Variants in DAB1 observed in about 807,000 individuals in gnomAD.
DAB1 encodes DAB adaptor protein 1, also known as disabled homolog 1.
A neutral mutation model predicts 64.6 loss-of-function variants in DAB1; 15 were observed. The ratio of observed to expected loss-of-function variants is 0.23; its 90% CI spans 0.16 to 0.36. The LOEUF is 0.36. Among genes scored for constraint, DAB1 ranks in the 10% least tolerant of loss-of-function variants. DAB1 has a pLI of 1.00. For missense variants in DAB1, 596 were observed against 706.7 expected (o/e 0.84, Z 1.78); for synonymous variants, 235 against 251.9 (o/e 0.93, Z 0.64).
chr1:57,978,586 G>A (rs1187985), intron 5 of DAB1, among the ~76,000 whole-genome samples: 145,007 of 152,288 alleles, frequency 0.95, 69,471 homozygotes, highest in East Asian at 1. Context: ...TAAACTAAAC[G>A]GCTTCTGCAA....
At chr1:57,562,179 C>G (rs1474558639) in intron 7 of DAB1, among the ~76,000 whole-genome samples, 2 of 152,176 alleles carry the variant, frequency 1.3e-5, no homozygotes, top group African/African-American at 4.8e-5. Flanking sequence ...TTGAGACCAG[C>G]CTGGCCAACA....
intron 4 of DAB1, among the ~76,000 whole-genome samples, chr1:57,124,605 A>T (rs1241524373): frequency 2.0e-5 from 3 of 152,206 alleles, no homozygotes; most frequent in African/African-American, 7.2e-5. Context: ...TGGCATTTTT[A>T]ATTTAAATAT....
chr1:57,115,718 G>A (rs974225421), intron 4 of DAB1, among the ~76,000 whole-genome samples: 1 of 152,180 alleles, frequency 6.6e-6, no homozygotes, highest in African/African-American at 2.4e-5. Context: ...CAGGAAGAAG[G>A]CAACATGAGC....
intron 5 of DAB1, among the ~76,000 whole-genome samples, chr1:57,902,156 CA>C (rs60082541): frequency 0.015 from 1,682 of 114,422 alleles, 26 homozygotes; most frequent in African/African-American, 0.054. Flanking sequence ...GATCTTGTCT[CA>C]AAAAAAAAAA....
intron 4 of DAB1, among the ~76,000 whole-genome samples, chr1:57,134,665 T>G (rs1178826255): frequency 6.6e-6 from 1 of 152,052 alleles, no homozygotes; most frequent in Non-Finnish European, 1.5e-5. Flanking sequence ...CCCCTGAACC[T>G]AAGTTTAAAA....
At chr1:57,773,024 A>G (rs1053292977) in intron 6 of DAB1, among the ~76,000 whole-genome samples, 11 of 152,054 alleles carry the variant, frequency 7.2e-5, no homozygotes, top group African/African-American at 2.7e-4. Context: ...TAAACCCAGG[A>G]ATACCAAGAA....
chr1:58,391,298 A>T (rs533907130), intron 3 of DAB1, among the ~76,000 whole-genome samples: 1 of 152,198 alleles, frequency 6.6e-6, no homozygotes, highest in South Asian at 2.1e-4. Flanking sequence ...CAATAGCCAG[A>T]TTGTGTCGCT....
intron 5 of DAB1, among the ~76,000 whole-genome samples, chr1:58,150,060 T>C (rs1324539858): frequency 2.0e-5 from 3 of 152,172 alleles, no homozygotes; most frequent in Non-Finnish European, 2.9e-5. Context: ...GTACCAAGTG[T>C]TTTAAATGTA....
intron 3 of DAB1, among the ~76,000 whole-genome samples, chr1:58,395,738 T>C (rs993647005): frequency 1.3e-5 from 2 of 152,184 alleles, no homozygotes; most frequent in African/African-American, 2.4e-5. Flanking sequence ...GTCTGTTCAT[T>C]TGACAAACAC....
intron 7 of DAB1, among the ~76,000 whole-genome samples, chr1:57,530,120 G>A (rs1288572483): frequency 2.0e-5 from 3 of 152,102 alleles, no homozygotes; most frequent in Non-Finnish European, 4.4e-5. Context: ...ATAATAGGAG[G>A]ACACGTGCAA....
At chr1:57,822,390 C>CA (rs1652161158), downstream of DAB1, among the ~76,000 whole-genome samples, 1 of 151,992 alleles carries the variant, frequency 6.6e-6, no homozygotes, top group African/African-American at 2.4e-5. Flanking sequence ...TTGCCATGGC[C>CA]ACACTGGTTA....
At chr1:58,314,792 A>G (rs1662515312) in intron 4 of DAB1, among the ~76,000 whole-genome samples, 1 of 152,174 alleles carries the variant, frequency 6.6e-6, no homozygotes, top group South Asian at 2.1e-4. Flanking sequence ...ATTTTCTCCA[A>G]TGTTTAAGAG....
At chr1:57,427,925 T>C (rs1182711450), upstream of DAB1, among the ~76,000 whole-genome samples, 1 of 152,180 alleles carries the variant, frequency 6.6e-6, no homozygotes, top group Non-Finnish European at 1.5e-5. Context: ...CTCAGCACTT[T>C]GGGAGGCCGG....
At chr1:58,455,442 A>T (rs1366398617) in intron 3 of DAB1, among the ~76,000 whole-genome samples, 3 of 152,230 alleles carry the variant, frequency 2.0e-5, no homozygotes, top group Non-Finnish European at 2.9e-5. Context: ...GATGGTCCTC[A>T]GCAGAGACAT....
At chr1:57,290,834 A>G (rs17455616) in intron 2 of DAB1, 130 bp downstream of exon 2, 4 of 575,724 alleles carry the variant, frequency 6.9e-6, no homozygotes. Flanking sequence ...TTATTAACAC[A>G]AAACACACAA....
chr1:57,492,785 G>A (rs973617544), intron 7 of DAB1, among the ~76,000 whole-genome samples: 1 of 152,120 alleles, frequency 6.6e-6, no homozygotes, highest in Non-Finnish European at 1.5e-5. Flanking sequence ...AGTCACAAAT[G>A]ACTTTTTGCA....
intron 1 of DAB1, among the ~76,000 whole-genome samples, chr1:57,310,740 T>C (rs1341896477): frequency 1.3e-5 from 2 of 152,220 alleles, no homozygotes; most frequent in Non-Finnish European, 2.9e-5. Flanking sequence ...AATGCTACTG[T>C]CATTTCTCTG....
At chr1:57,777,767 T>C (rs1649881884) in intron 6 of DAB1, among the ~76,000 whole-genome samples, 1 of 152,100 alleles carries the variant, frequency 6.6e-6, no homozygotes, top group Non-Finnish European at 1.5e-5. Context: ...AACTATTTAC[T>C]GACTTAATTT....
intron 5 of DAB1, among the ~76,000 whole-genome samples, chr1:57,956,484 CA>C (rs1174356874): frequency 6.6e-6 from 1 of 152,160 alleles, no homozygotes; most frequent in Non-Finnish European, 1.5e-5. Flanking sequence ...TTACTTTATC[CA>C]GAGGCTTTAA....
Sources: allele counts gnomAD v4.1 joint callset (sites outside exome capture counted in the v4.1 genomes callset), GRCh38; gene constraint gnomAD v4.1.1; transcripts MANE v1.5; gene names NCBI Gene and HGNC (gene_info 2026-07-23, HGNC 2026-07-21).